TTC28: variants seen among roughly 807,000 people sequenced by gnomAD.
TTC28 encodes the protein tetratricopeptide repeat protein 28.
In TTC28, 61 loss-of-function variants were observed where a neutral mutation model predicts 198.0. The observed-to-expected ratio is 0.31, with a 90% CI of 0.25 to 0.38. TTC28 has a LOEUF of 0.38. Ranked by LOEUF, TTC28 falls within the 10% of genes least tolerant of loss-of-function variation. TTC28 has a pLI of 1.00. For missense variants in TTC28, 2,678 were observed against 3,164.0 expected (o/e 0.85, Z 3.69); for synonymous variants, 1,171 against 1,297.8 (o/e 0.90, Z 2.10).
At chr22:28,614,794 C>T (rs1220560436) in intron 2 of TTC28, among the ~76,000 whole-genome samples, 1 of 152,106 alleles carries the variant, frequency 6.6e-6, no homozygotes, top group Non-Finnish European at 1.5e-5. Flanking sequence ...AAAATTAACT[C>T]AAGATGGATT....
chr22:28,055,557 G>T (rs1035012405), intron 12 of TTC28, among the ~76,000 whole-genome samples: 6 of 152,150 alleles, frequency 3.9e-5, no homozygotes, highest in African/African-American at 1.2e-4. Context: ...AAGATTAAGG[G>T]CTGTGCTAGG....
intron 5 of TTC28, among the ~76,000 whole-genome samples, chr22:28,202,180 T>C (rs963040083): frequency 6.6e-6 from 1 of 152,074 alleles, no homozygotes; most frequent in Non-Finnish European, 1.5e-5. Context: ...TTTCAAAATA[T>C]CGTACTGCGT....
At chr22:28,536,217 A>C (rs867416751) in intron 2 of TTC28, among the ~76,000 whole-genome samples, 2 of 149,182 alleles carry the variant, frequency 1.3e-5, no homozygotes, top group East Asian at 2.0e-4. Flanking sequence ...AAAAAAAAAA[A>C]AAACATAAAA....
intron 2 of TTC28, among the ~76,000 whole-genome samples, chr22:28,385,913 T>C (rs1025145104): frequency 1.3e-5 from 2 of 152,136 alleles, no homozygotes; most frequent in South Asian, 2.1e-4. Flanking sequence ...AAAAACACTT[T>C]TTCCCTCCAG....
chr22:28,227,701 T>A (rs1250378301), intron 5 of TTC28, among the ~76,000 whole-genome samples: 1 of 151,540 alleles, frequency 6.6e-6, no homozygotes, highest in African/African-American at 2.4e-5. Flanking sequence ...TTATTACAGA[T>A]TTGAAAAAAA....
chr22:28,598,207 T>C (rs1305423904), intron 2 of TTC28, among the ~76,000 whole-genome samples: 2 of 151,718 alleles, frequency 1.3e-5, no homozygotes, highest in South Asian at 2.1e-4. Context: ...CAAATATAAA[T>C]GCAACTTAAA....
intron 2 of TTC28, among the ~76,000 whole-genome samples, chr22:28,540,859 C>T (rs1248675782): frequency 1.3e-5 from 2 of 152,114 alleles, no homozygotes; most frequent in Non-Finnish European, 2.9e-5. Context: ...TCTAAAACTA[C>T]ACATAAGTCA....
intron 6 of TTC28, among the ~76,000 whole-genome samples, chr22:28,110,699 C>T (rs1942456878): frequency 6.6e-6 from 1 of 152,058 alleles, no homozygotes; most frequent in African/African-American, 2.4e-5. Flanking sequence ...CTTTGGAAGG[C>T]TGAGGCAAGA....
At chr22:28,415,785 T>G (rs535267615) in intron 2 of TTC28, among the ~76,000 whole-genome samples, 4 of 152,332 alleles carry the variant, frequency 2.6e-5, no homozygotes, top group African/African-American at 7.2e-5. Flanking sequence ...TATAAAAAGC[T>G]TATGCTACTA....
intron 2 of TTC28, among the ~76,000 whole-genome samples, chr22:28,511,652 T>C (rs1403813227): frequency 2.0e-5 from 3 of 152,052 alleles, no homozygotes; most frequent in African/African-American, 7.2e-5. Flanking sequence ...ACCCCGTCTC[T>C]ACTAAAAATA....
intron 1 of TTC28, among the ~76,000 whole-genome samples, chr22:28,650,592 A>C (rs2051549413): frequency 6.6e-6 from 1 of 152,232 alleles, no homozygotes; most frequent in Non-Finnish European, 1.5e-5. Flanking sequence ...GTGGTGCTAG[A>C]AATGAACACA....
At chr22:28,302,281 A>G (rs2045042725) in intron 3 of TTC28, among the ~76,000 whole-genome samples, 1 of 152,108 alleles carries the variant, frequency 6.6e-6, no homozygotes, top group Admixed American at 6.5e-5. Context: ...AAAGAGAGGC[A>G]AGGTCTTTTC....
chr22:28,499,910 T>G lies in TTC28; in HGVS notation c.381+129642A>C, dbSNP rs892059039. Among the ~76,000 whole-genome samples, 4 of 152,178 alleles carry G rather than the reference T, an allele frequency of 2.6e-5. No homozygotes were observed. In the South Asian group the frequency reaches 8.3e-4, roughly 32 times the overall value. On this transcript the variant is annotated intron_variant, in intron 2 of 22. Transcript: ENST00000397906. ...TGGGGTAATCAGCATACTCATCATC[T>G]CAAACATTTATCATTTCTTCATGTT...
chr22:28,208,054 C>T (rs1206160888), intron 5 of TTC28, among the ~76,000 whole-genome samples: 1 of 152,118 alleles, frequency 6.6e-6, no homozygotes, highest in African/African-American at 2.4e-5. Flanking sequence ...TCACTAAACC[C>T]AGAACCTATA....
chr22:28,295,538 GAAGAGTTAAGTTATAAC>G (rs1213244599), intron 5 of TTC28, among the ~76,000 whole-genome samples: 2 of 152,128 alleles, frequency 1.3e-5, no homozygotes, highest in Non-Finnish European at 2.9e-5. Context: ...AGGAGAAAAA[GAAGAGTTAAGTTATAAC>G]TACCCCCAAG....
At chr22:28,475,269 C>A (rs1250109722) in intron 2 of TTC28, among the ~76,000 whole-genome samples, 1 of 149,664 alleles carries the variant, frequency 6.7e-6, no homozygotes. Context: ...AGAGGCTATC[C>A]CAGCAGCTAA....
chr22:28,637,755 TA>T (rs75441137), intron 1 of TTC28, among the ~76,000 whole-genome samples: 64 of 142,072 alleles, frequency 4.5e-4, no homozygotes, highest in East Asian at 6.1e-4. Flanking sequence ...ATTTTTAAAT[TA>T]AAAAAAAAAA....
intron 2 of TTC28, among the ~76,000 whole-genome samples, chr22:28,407,987 T>C (rs1406295705): frequency 6.6e-6 from 1 of 152,262 alleles, no homozygotes; most frequent in Non-Finnish European, 1.5e-5. Context: ...TTATAACTTC[T>C]TCGTAACCTC....
chr22:28,532,566 C>T (rs995270662), intron 2 of TTC28, among the ~76,000 whole-genome samples: 1 of 152,192 alleles, frequency 6.6e-6, no homozygotes, highest in African/African-American at 2.4e-5. Context: ...ATGAGGCCAG[C>T]ATCACCCTGA....
Sources: gnomAD v4.1 joint callset for allele counts (sites outside exome capture counted in the v4.1 genomes callset) on GRCh38, gnomAD v4.1.1 for gene constraint, MANE v1.5 for transcripts, NCBI Gene and HGNC (gene_info 2026-07-23, HGNC 2026-07-21) for gene names.